THSD7B: variants seen among roughly 807,000 people sequenced by gnomAD.
THSD7B encodes the protein thrombospondin type-1 domain-containing protein 7B.
A neutral mutation model predicts 213.6 loss-of-function variants in THSD7B; 138 were observed. That is an observed-to-expected ratio of 0.65 (90% CI 0.56 to 0.74). The LOEUF (loss-of-function observed/expected upper bound fraction) is 0.74, where lower values mean the gene tolerates loss of function less well. Among genes scored for constraint, THSD7B ranks in the 30% least tolerant of loss-of-function variants. The probability of loss-of-function intolerance (pLI) is 0.00; values close to 1 mark genes in which losing one functional copy is unlikely to be tolerated. For synonymous variants in THSD7B, 742 were observed against 687.0 expected, an observed-to-expected ratio of 1.08 and a Z score of -1.25; for missense variants, 1,931 against 1,991.5, an observed-to-expected ratio of 0.97 and a Z score of 0.58.
At chr2:136,895,725 C>T (rs1683947503) in intron 2 of THSD7B, among the ~76,000 whole-genome samples, 1 of 151,962 alleles carries the variant, frequency 6.6e-6, no homozygotes. Context: ...TTTTAGATCA[C>T]TTTAATCACC....
At chr2:137,107,511 T>G (rs1052196374) in intron 4 of THSD7B, among the ~76,000 whole-genome samples, 2 of 152,208 alleles carry the variant, frequency 1.3e-5, no homozygotes, top group Admixed American at 1.3e-4. Context: ...GTTCTGCACA[T>G]GTATCCCAGA....
intron 3 of THSD7B, among the ~76,000 whole-genome samples, chr2:137,094,244 C>T (rs1201775001): frequency 2.0e-5 from 3 of 152,138 alleles, no homozygotes; most frequent in Non-Finnish European, 4.4e-5. Context: ...CCAGTCAATC[C>T]ATGGTAATAG....
intron 1 of THSD7B, among the ~76,000 whole-genome samples, chr2:136,821,844 A>G (rs914221559): frequency 3.3e-5 from 5 of 152,162 alleles, no homozygotes; most frequent in Non-Finnish European, 5.9e-5. Flanking sequence ...CTCAACTTTA[A>G]CTGTGGATCT....
At chr2:137,131,758 T>C (rs1171115816) in intron 5 of THSD7B, among the ~76,000 whole-genome samples, 4 of 152,252 alleles carry the variant, frequency 2.6e-5, no homozygotes, top group Non-Finnish European at 5.9e-5. Flanking sequence ...TTGGTACCAG[T>C]ACCATGCTGT....
At chr2:137,278,403 G>A (rs889045241) in intron 12 of THSD7B, among the ~76,000 whole-genome samples, 1 of 151,990 alleles carries the variant, frequency 6.6e-6, no homozygotes, top group Admixed American at 6.6e-5. Flanking sequence ...TCTAAATGTG[G>A]AATGAGAATA....
At chr2:136,820,234 T>C (rs1475152015) in intron 1 of THSD7B, among the ~76,000 whole-genome samples, 1 of 152,224 alleles carries the variant, frequency 6.6e-6, no homozygotes, top group Non-Finnish European at 1.5e-5. Context: ...TCAATTAGTA[T>C]TGGTTGAACT....
intron 11 of THSD7B, among the ~76,000 whole-genome samples, chr2:137,273,259 A>G (rs1401723435): frequency 6.6e-6 from 1 of 152,126 alleles, no homozygotes; most frequent in Non-Finnish European, 1.5e-5. Context: ...TTTATTACAA[A>G]AAGAAAATGA....
chr2:136,869,245 A>T (rs966711889), intron 1 of THSD7B, among the ~76,000 whole-genome samples: 1 of 152,200 alleles, frequency 6.6e-6, no homozygotes, highest in Non-Finnish European at 1.5e-5. Flanking sequence ...AGGGTTGCGT[A>T]ACTTCTGAAT....
chr2:137,551,245 A>G (rs1680842219), intron 15 of THSD7B, among the ~76,000 whole-genome samples: 1 of 152,200 alleles, frequency 6.6e-6, no homozygotes, highest in East Asian at 1.9e-4. Context: ...TCTTCTTTAT[A>G]TGTAAAGGCA....
At chr2:137,249,333 AT>A (rs1158932759) in intron 10 of THSD7B, among the ~76,000 whole-genome samples, 1 of 152,134 alleles carries the variant, frequency 6.6e-6, no homozygotes, top group Non-Finnish European at 1.5e-5. Context: ...TAAAAAAAAA[AT>A]AACAACATTG....
At chr2:137,636,171 A>G (rs891272501) in intron 20 of THSD7B, among the ~76,000 whole-genome samples, 1 of 152,216 alleles carries the variant, frequency 6.6e-6, no homozygotes, top group Non-Finnish European at 1.5e-5. Flanking sequence ...CATCATTTAC[A>G]GAACCTTTGC....
At chr2:137,654,619 G>C (rs1043194045) in intron 21 of THSD7B, among the ~76,000 whole-genome samples, 1 of 152,120 alleles carries the variant, frequency 6.6e-6, no homozygotes, top group Non-Finnish European at 1.5e-5. Flanking sequence ...GGCTATTGCA[G>C]ATATGGAAGT....
At chr2:137,534,524 T>C (rs1034935138) in intron 15 of THSD7B, among the ~76,000 whole-genome samples, 1 of 151,828 alleles carries the variant, frequency 6.6e-6, no homozygotes, top group African/African-American at 2.4e-5. Context: ...ATTCAACTTT[T>C]CTGTATATTT....
chr2:137,148,837 G>A (rs1181077100), intron 5 of THSD7B, among the ~76,000 whole-genome samples: 1 of 152,168 alleles, frequency 6.6e-6, no homozygotes, highest in East Asian at 1.9e-4. Context: ...CTTGCAGCCT[G>A]ACGATGCCAT....
intron 1 of THSD7B, among the ~76,000 whole-genome samples, chr2:136,855,602 A>ATTATTTATTTATTTAT (rs1553453364): frequency 1.4e-3 from 28 of 19,342 alleles, no homozygotes; most frequent in African/African-American, 2.9e-3. Flanking sequence ...TTATTTATTT[A>ATTATTTATTTATTTAT]TTATTTATTT....
chr2:137,665,655 G>A lies in THSD7B; in HGVS notation c.4651+2080G>A, dbSNP rs377365487. Among the ~76,000 whole-genome samples, 13 of 152,012 alleles carry A rather than the reference G, an allele frequency of 8.6e-5. No homozygotes were observed. In the East Asian group the frequency reaches 1.2e-3, roughly 14 times the overall value. ...GTTCCTCTAAGGAACTCATCATGCA[G>A]TTATATGCACATATACTAAAAGAAG... On this transcript the variant is annotated intron_variant, in intron 26 of 27. Transcript: ENST00000409968.
chr2:137,301,610 ATTAAT>A (rs1030218392), intron 12 of THSD7B, among the ~76,000 whole-genome samples: 4 of 151,636 alleles, frequency 2.6e-5, no homozygotes, highest in Admixed American at 1.3e-4. Context: ...TATTTAAAAT[ATTAAT>A]TTAATATATT....
At chr2:137,529,430 G>A (rs562394835) in intron 15 of THSD7B, among the ~76,000 whole-genome samples, 2 of 152,028 alleles carry the variant, frequency 1.3e-5, no homozygotes, top group South Asian at 4.2e-4. Context: ...ACTAATGATT[G>A]TCCCAAAGAT....
chr2:137,572,144 A>G (rs1376193918), intron 16 of THSD7B, among the ~76,000 whole-genome samples: 1 of 152,182 alleles, frequency 6.6e-6, no homozygotes, highest in Non-Finnish European at 1.5e-5. Flanking sequence ...TTCAAGGTCA[A>G]CCATTGCCTT....
Sources: gnomAD v4.1 joint callset for allele counts (sites outside exome capture counted in the v4.1 genomes callset) on GRCh38, gnomAD v4.1.1 for gene constraint, MANE v1.5 for transcripts, NCBI Gene and HGNC (gene_info 2026-07-23, HGNC 2026-07-21) for gene names.